Variants in PCDHGB2 observed in about 807,000 individuals in gnomAD.
PCDHGB2 encodes protocadherin gamma-B2.
Under a neutral mutation model 59.3 loss-of-function variants are expected in PCDHGB2, and 55 were observed. That is an observed-to-expected ratio of 0.93 (90% CI 0.75 to 1.16). The LOEUF (loss-of-function observed/expected upper bound fraction) is 1.16, where lower values mean the gene tolerates loss of function less well. Ranked by LOEUF, PCDHGB2 falls within the 50% of genes most tolerant of loss-of-function variation. The pLI is 0.00. For missense variants in PCDHGB2, 1,228 were observed against 1,198.5 expected (o/e 1.02, Z -0.36); for synonymous variants, 516 against 512.0 (o/e 1.01, Z -0.11).
chr5:141,476,666 G>T lies in PCDHGB2; in HGVS notation c.2422-18141G>T. 9 of 1,614,246 alleles carry T rather than the reference G, an allele frequency of 5.6e-6. No homozygotes were observed. Among genetic ancestry groups the T allele is most frequent in the Non-Finnish European group, 7.6e-6 (9 of 1,180,044 alleles). ...CCGAAATGAATACTTTGCGCTTCGC[G>T]TGCAGACGCGGGAGGACAGCACCAA... On this transcript the variant is annotated intron_variant, in intron 1 of 3. Transcript: ENST00000522605. This position sits in a 1 kb window ranked among gnomAD's most constrained non-coding sequence, Gnocchi z 7.6.
chr5:141,447,119 A>AT (rs2098526425), intron 1 of PCDHGB2, among the ~76,000 whole-genome samples: 1 of 150,848 alleles, frequency 6.6e-6, no homozygotes, highest in South Asian at 2.1e-4. Flanking sequence ...TGCTCCATGG[A>AT]TTTTTTTGTT....
At chr5:141,376,425 A>G in intron 1 of PCDHGB2, 7 of 1,614,182 alleles carry the variant, frequency 4.3e-6, no homozygotes, top group Non-Finnish European at 4.2e-6. Context: ...ACGCTTATCA[A>G]CCAGGAGAGC....
intron 1 of PCDHGB2, chr5:141,413,704 A>C (rs749988351): frequency 6.2e-7 from 1 of 1,613,616 alleles, no homozygotes; most frequent in South Asian, 1.1e-5. Flanking sequence ...CTATCAGCTC[A>C]GCCCCAATAA....
chr5:141,500,839 G>A (rs2099802871), intron 2 of PCDHGB2, among the ~76,000 whole-genome samples: 1 of 151,906 alleles, frequency 6.6e-6, no homozygotes, highest in African/African-American at 2.4e-5. Flanking sequence ...ATGCTAATGG[G>A]CTTTTGCTAC....
rs761853399 is a variant in PCDHGB2, at chr5:141,389,296, A to G, written c.2421+26740A>G. On this transcript the variant is annotated intron_variant, in intron 1 of 3. Transcript: ENST00000522605. ...AACCCGCCTGGAGCCTCTATTTCAC[A>G]AGTCAGGGCTTCTGATCCGGACTTG... is the stretch of plus-strand genomic sequence containing the variant. The G allele has an allele frequency of 3.7e-6, 6 of 1,613,988 alleles. No individual in the cohort carries two copies. The South Asian group carries it at 6.6e-5, about 18-fold the overall frequency.
rs200064261 is a variant in PCDHGB2, at chr5:141,487,515, G to A, written c.2422-7292G>A. 3.7e-5 allele frequency: 59 copies of A among 1,614,018 alleles called. No homozygotes were observed. The highest frequency in any genetic ancestry group is 8.8e-5 in the South Asian group (8 of 91,086). On this transcript the variant is annotated intron_variant, in intron 1 of 3. Coordinates refer to ENST00000522605, the MANE Select transcript of PCDHGB2 (RefSeq NM_018923.3). The surrounding 1 kb of genome is among the most constrained non-coding windows in gnomAD (Gnocchi z 5.0). Reference sequence around the variant, plus strand: ...ACACCCTTGGCTTCTGCACCCACTCGGAGTGATAGCTTCATGATGGTGAAG... The same window carrying A: ...ACACCCTTGGCTTCTGCACCCACTCAGAGTGATAGCTTCATGATGGTGAAG...
At chr5:141,404,112 A>G (rs372014000) in intron 1 of PCDHGB2, 3 of 1,613,380 alleles carry the variant, frequency 1.9e-6, no homozygotes, top group Non-Finnish European at 2.5e-6. Context: ...TGTTCTATCC[A>G]GGAGAATCTA....
chr5:141,398,799 C>T (rs2093705548), intron 1 of PCDHGB2: 3 of 1,613,848 alleles, frequency 1.9e-6, no homozygotes, highest in East Asian at 2.2e-5. Context: ...CCCTAAGCGG[C>T]ACCACTGAGC....
At chr5:141,389,537 C>T in intron 1 of PCDHGB2, 2 of 1,613,216 alleles carry the variant, frequency 1.2e-6, no homozygotes, top group Non-Finnish European at 8.5e-7. Context: ...TGTTAGTGGA[C>T]GACCGCAACG....
intron 1 of PCDHGB2, chr5:141,478,419 G>A (rs2530208): frequency 3.7e-6 from 6 of 1,613,632 alleles, no homozygotes; most frequent in South Asian, 2.2e-5. Context: ...GACTCCCGCC[G>A]CAGCGACCCG....
At chr5:141,415,503 G>A (rs1354902623) in intron 1 of PCDHGB2, 1 of 1,614,212 alleles carries the variant, frequency 6.2e-7, no homozygotes. Flanking sequence ...TCTTCCCCCA[G>A]CCCAATTATG....
chr5:141,390,358 G>A lies in PCDHGB2; in HGVS notation c.2421+27802G>A, dbSNP rs934109377. ...TATTCACAAGAAAATATACATATTT[G>A]CAGGAAAATATATAATTTTTAGATG... is the stretch of plus-strand genomic sequence containing the variant. On this transcript the variant is annotated intron_variant, in intron 1 of 3. Coordinates refer to ENST00000522605, the MANE Select transcript of PCDHGB2 (RefSeq NM_018923.3). The A allele has an allele frequency of 3.9e-6, 6 of 1,540,796 alleles. No homozygotes were observed. In the African/African-American group the frequency reaches 8.3e-5, roughly 21 times the overall value.
chr5:141,460,833 T>G (rs541553903), intron 1 of PCDHGB2, among the ~76,000 whole-genome samples: 2 of 151,928 alleles, frequency 1.3e-5, no homozygotes, highest in African/African-American at 4.8e-5. Flanking sequence ...ACACTTAAAG[T>G]AATGGCCTCC....
intron 2 of PCDHGB2, among the ~76,000 whole-genome samples, chr5:141,496,839 AG>A (rs2099771805): frequency 1.3e-5 from 2 of 151,484 alleles, no homozygotes; most frequent in African/African-American, 4.9e-5. Context: ...CAGAACTCAT[AG>A]GCTTCCAGAC....
chr5:141,362,973 G>C (rs1762750308), intron 1 of PCDHGB2, among the ~76,000 whole-genome samples: 1 of 152,216 alleles, frequency 6.6e-6, no homozygotes, highest in Non-Finnish European at 1.5e-5. Flanking sequence ...AAAGAAGAAA[G>C]ACTTTTGCAT....
At chr5:141,404,811 G>A (rs2094571358) in intron 1 of PCDHGB2, 1 of 1,606,238 alleles carries the variant, frequency 6.2e-7, no homozygotes, top group African/African-American at 1.4e-5. Flanking sequence ...TTCTCGGTGG[G>A]GCTGCACACA....
At chr5:141,366,104 G>A in intron 1 of PCDHGB2, 2 of 1,614,250 alleles carry the variant, frequency 1.2e-6, no homozygotes, top group Non-Finnish European at 1.7e-6. Flanking sequence ...GACCAAGGTG[G>A]TAGCGGTGGA....
intron 1 of PCDHGB2, chr5:141,423,216 G>A (rs376530221): frequency 1.2e-6 from 2 of 1,613,632 alleles, no homozygotes; most frequent in African/African-American, 2.7e-5. Flanking sequence ...CGCTCACCGT[G>A]GCTGTGGCCG....
Position 141,431,711 on chromosome 5 carries a change from G to T in PCDHGB2, c.2422-63096G>T. On this transcript the variant is annotated intron_variant, in intron 1 of 3. Coordinates refer to ENST00000522605, the MANE Select transcript of PCDHGB2 (RefSeq NM_018923.3). This position sits in a 1 kb window ranked among gnomAD's most constrained non-coding sequence, Gnocchi z 4.8. ...CGAGGAGTCAGGATTCTACCAGATG[G>T]AAGTGCAAGCAATGGATAATGCAGG... 1 of 1,614,230 alleles carries T rather than the reference G, an allele frequency of 6.2e-7. No homozygotes were observed. The highest frequency in any genetic ancestry group is 1.1e-5 in the South Asian group (1 of 91,092).
Sources: gnomAD v4.1 joint callset for allele counts (sites outside exome capture counted in the v4.1 genomes callset) on GRCh38, gnomAD v4.1.1 for gene constraint, Gnocchi (gnomAD v3.1) non-coding constraint, MANE v1.5 for transcripts, NCBI Gene and HGNC (gene_info 2026-07-23, HGNC 2026-07-21) for gene names.